NCAM2: variants seen among roughly 807,000 people sequenced by gnomAD.
The protein encoded by NCAM2 is N-CAM-2.
A neutral mutation model predicts 98.1 loss-of-function variants in NCAM2; 30 were observed. That is an observed-to-expected ratio of 0.31 (90% CI 0.23 to 0.41). NCAM2 has a LOEUF of 0.41. NCAM2 is among the 10% of genes least tolerant of loss of function. The pLI, the probability that NCAM2 is intolerant of heterozygous loss-of-function variation, is 1.00. For synonymous variants in NCAM2, 368 were observed against 342.4 expected (o/e 1.07, Z -0.83); for missense variants, 867 against 1,005.8 (o/e 0.86, Z 1.87).
rs2145815519 is a variant in NCAM2, at chr21:21,388,515, G to T, written c.1195+14502G>T. On this transcript the variant is annotated intron_variant, in intron 9 of 17. Coordinates refer to ENST00000400546, the MANE Select transcript of NCAM2 (RefSeq NM_004540.5). ...AAGCAAGGGTCAGAGAGGAGGGGAA[G>T]ATGAGGCCATGAAGTTAACAAGCTG... Among the ~76,000 whole-genome samples the T allele has an allele frequency of 1.3e-5, 2 of 152,252 alleles. 1 individual carries two copies. Among genetic ancestry groups the T allele is most frequent in the South Asian group, 4.1e-4 (2 of 4,826 alleles).
chr21:21,253,076 C>T (rs184272987), intron 1 of NCAM2, among the ~76,000 whole-genome samples: 58 of 152,134 alleles, frequency 3.8e-4, no homozygotes, highest in African/African-American at 1.2e-3. Context: ...AATTAGAAAC[C>T]GACATCATTG....
At chr21:21,453,783 C>T (rs1555899386) in intron 12 of NCAM2, among the ~76,000 whole-genome samples, 1 of 152,022 alleles carries the variant, frequency 6.6e-6, no homozygotes, top group South Asian at 2.1e-4. Context: ...TTTTGAAATT[C>T]TCATCTTTAC....
chr21:21,240,558 C>T (rs182187057), intron 1 of NCAM2, among the ~76,000 whole-genome samples: 2 of 152,106 alleles, frequency 1.3e-5, no homozygotes, highest in Non-Finnish European at 2.9e-5. Context: ...GTTCTGACTC[C>T]GTCATTAATT....
chr21:21,007,933 T>C (rs774066007), intron 1 of NCAM2, among the ~76,000 whole-genome samples: 56 of 152,162 alleles, frequency 3.7e-4, no homozygotes, highest in Non-Finnish European at 2.6e-4. Flanking sequence ...CCTCTGACGT[T>C]TCTAATACTA....
chr21:21,230,903 G>C (rs2070596186), intron 1 of NCAM2, among the ~76,000 whole-genome samples: 1 of 151,290 alleles, frequency 6.6e-6, no homozygotes, highest in African/African-American at 2.4e-5. Flanking sequence ...CCTTCTCCCT[G>C]TAGTTGTAGG....
intron 5 of NCAM2, among the ~76,000 whole-genome samples, chr21:21,298,419 G>A (rs1005498783): frequency 2.0e-5 from 3 of 151,502 alleles, no homozygotes; most frequent in Non-Finnish European, 4.4e-5. Context: ...ACCCAAACCA[G>A]AGTATTTTAT....
intron 1 of NCAM2, among the ~76,000 whole-genome samples, chr21:21,153,434 A>G (rs901685225): frequency 1.3e-5 from 2 of 151,914 alleles, no homozygotes; most frequent in African/African-American, 2.4e-5. Flanking sequence ...GTATATATGC[A>G]TAACTGAATT....
In NCAM2 at chr21:21,084,327, T is replaced by C. The variant is rs73330302; in HGVS notation, c.55+85709T>C. ...CATTCATACCATAACTGGTGATAAG[T>C]TCTAAACAGTTTTATCATCTGTTTA... On this transcript the variant is annotated intron_variant, in intron 1 of 17. Transcript: ENST00000400546. 9.6e-3 allele frequency among the ~76,000 whole-genome samples: 1,459 copies of C among 152,298 alleles called. 18 individuals are homozygous for C. Among genetic ancestry groups the C allele is most frequent in the African/African-American group, 0.032 (1,343 of 41,570 alleles).
At chr21:21,245,129 C>T (rs1326506939) in intron 1 of NCAM2, among the ~76,000 whole-genome samples, 2 of 152,132 alleles carry the variant, frequency 1.3e-5, no homozygotes, top group African/African-American at 4.8e-5. Context: ...TACCATTCAT[C>T]AACACTACAT....
At chr21:21,257,997 G>T (rs1244604018) in intron 1 of NCAM2, among the ~76,000 whole-genome samples, 5 of 152,252 alleles carry the variant, frequency 3.3e-5, no homozygotes, top group African/African-American at 1.2e-4. Flanking sequence ...TCATATTATT[G>T]TTCTTGGTTT....
At chr21:21,150,174 C>A (rs999869385) in intron 1 of NCAM2, among the ~76,000 whole-genome samples, 1 of 151,844 alleles carries the variant, frequency 6.6e-6, no homozygotes, top group Non-Finnish European at 1.5e-5. Context: ...AGGTATTTTT[C>A]TTTGTGGATA....
At chr21:21,147,523 C>G (rs554166906) in intron 1 of NCAM2, among the ~76,000 whole-genome samples, 1 of 151,322 alleles carries the variant, frequency 6.6e-6, no homozygotes, top group African/African-American at 2.4e-5. Context: ...TATATATACA[C>G]TAATAATGCA....
chr21:21,307,237 T>G (rs1368333421), intron 5 of NCAM2, among the ~76,000 whole-genome samples: 6 of 152,170 alleles, frequency 3.9e-5, no homozygotes, highest in African/African-American at 7.2e-5. Context: ...TTTTAATGAA[T>G]CAATTAATTT....
At chr21:21,359,657 T>A (rs1278590671) in intron 8 of NCAM2, among the ~76,000 whole-genome samples, 1 of 151,960 alleles carries the variant, frequency 6.6e-6, no homozygotes, top group Non-Finnish European at 1.5e-5. Context: ...CTAAAAGTGA[T>A]TTTAATAAGG....
At chr21:21,401,755 T>C (rs2076635594) in intron 9 of NCAM2, among the ~76,000 whole-genome samples, 1 of 152,178 alleles carries the variant, frequency 6.6e-6, no homozygotes, top group South Asian at 2.1e-4. Flanking sequence ...GCAATTAATA[T>C]AGGAGTATGG....
At chr21:21,232,521 A>C (rs74641391) in intron 1 of NCAM2, among the ~76,000 whole-genome samples, 3,434 of 151,638 alleles carry the variant, frequency 0.023, 56 homozygotes, top group Admixed American at 0.044. Context: ...CTTTGGCATC[A>C]GAAGGGCAGT....
intron 1 of NCAM2, 107 bp downstream of exon 1, chr21:20,998,725 C>T (rs986671832): frequency 1.6e-4 from 166 of 1,045,180 alleles, no homozygotes; most frequent in Middle Eastern, 1.0e-3. Context: ...ACTAAAGTTA[C>T]AGTTATTGCT....
At chr21:21,202,603 A>C (rs1365529073) in intron 1 of NCAM2, among the ~76,000 whole-genome samples, 1 of 151,406 alleles carries the variant, frequency 6.6e-6, no homozygotes, top group African/African-American at 2.4e-5. Flanking sequence ...TTTAGTAGAG[A>C]CGGGGTTTCA....
intron 1 of NCAM2, among the ~76,000 whole-genome samples, chr21:21,074,499 T>C (rs1282671117): frequency 6.6e-6 from 1 of 152,222 alleles, no homozygotes; most frequent in Non-Finnish European, 1.5e-5. Flanking sequence ...AAAGTCACCA[T>C]GAAGGTTTAC....
Sources: gnomAD v4.1 joint callset for allele counts (sites outside exome capture counted in the v4.1 genomes callset) on GRCh38, gnomAD v4.1.1 for gene constraint, MANE v1.5 for transcripts, NCBI Gene and HGNC (gene_info 2026-07-23, HGNC 2026-07-21) for gene names.